Variants in NRG1 observed in about 807,000 individuals in gnomAD.
The protein encoded by NRG1 is neuregulin 1.
A neutral mutation model predicts 63.8 loss-of-function variants in NRG1; 18 were observed. That is an observed-to-expected ratio of 0.28 (90% CI 0.19 to 0.42). The LOEUF (loss-of-function observed/expected upper bound fraction) is 0.42, where lower values mean the gene tolerates loss of function less well. Among genes scored for constraint, NRG1 ranks in the 10% least tolerant of loss-of-function variants. The pLI, the probability that NRG1 is intolerant of heterozygous loss-of-function variation, is 1.00. For synonymous variants in NRG1, 302 were observed against 301.3 expected (o/e 1.00, Z -0.02); for missense variants, 762 against 814.7 (o/e 0.94, Z 0.79).
chr8:32,441,023 T>C (rs1819463248), intron 1 of NRG1, among the ~76,000 whole-genome samples: 1 of 148,440 alleles, frequency 6.7e-6, no homozygotes, highest in Non-Finnish European at 1.5e-5. Context: ...TTAATTACAG[T>C]TAAATTCAGG....
Position 32,003,561 on chromosome 8 carries a change from T to G in NRG1, c.37+364130T>G, listed in dbSNP as rs375483813. Among the ~76,000 whole-genome samples the G allele has an allele frequency of 9.6e-4, 146 of 152,122 alleles. 1 individual carries two copies. Among genetic ancestry groups the G allele is most frequent in the South Asian group, 4.8e-3 (23 of 4,828 alleles). ...GAAAAAGTGAAATAAAGAGAAGACA[T>G]TGTAATGTTAATGTCCATAAAATAG... On this transcript the variant is annotated intron_variant, in intron 1 of 10. Transcript: ENST00000519301.
intron 1 of NRG1, among the ~76,000 whole-genome samples, chr8:32,383,902 C>T (rs2347509): frequency 0.91 from 137,959 of 152,252 alleles, 63,223 homozygotes; most frequent in Non-Finnish European, 0.95. Flanking sequence ...CTTACTTTGT[C>T]TTAGCCCACA....
chr8:31,813,487 A>C (rs1823086796), intron 1 of NRG1, among the ~76,000 whole-genome samples: 1 of 92,200 alleles, frequency 1.1e-5, no homozygotes, highest in South Asian at 4.4e-4. Flanking sequence ...ACTTTGCTAC[A>C]GGAATTTTCT....
chr8:32,279,865 G>C lies in NRG1; in HGVS notation c.38-315963G>C, dbSNP rs1322714496. ...CTGATGTGTAGGGTAACACAATTAA[G>C]GAACTCTCCACTGGAAGGCCAAGTC... On this transcript the variant is annotated intron_variant, in intron 1 of 10. Transcript: ENST00000519301. Among the ~76,000 whole-genome samples, 6 of 152,144 alleles carry C rather than the reference G, an allele frequency of 3.9e-5. No individual in the cohort carries two copies. In the East Asian group the frequency reaches 9.7e-4, roughly 24 times the overall value.
At chr8:32,198,344 A>AT (rs1195741662) in intron 1 of NRG1, among the ~76,000 whole-genome samples, 1 of 151,892 alleles carries the variant, frequency 6.6e-6, no homozygotes, top group Non-Finnish European at 1.5e-5. Flanking sequence ...CATCGGGCTA[A>AT]TTTTTGTATT....
chr8:32,331,189 T>C (rs1802604020), intron 1 of NRG1, among the ~76,000 whole-genome samples: 1 of 152,092 alleles, frequency 6.6e-6, no homozygotes, highest in African/African-American at 2.4e-5. Flanking sequence ...GTTTTCATTT[T>C]CTTCAACAGA....
At chr8:32,606,743 T>C (rs1253318940) in intron 3 of NRG1, among the ~76,000 whole-genome samples, 3 of 152,170 alleles carry the variant, frequency 2.0e-5, no homozygotes, top group Admixed American at 1.3e-4. Flanking sequence ...CCTAATTGCA[T>C]CTTCTTGGTA....
chr8:32,473,133 A>G lies in NRG1; in HGVS notation c.38-122695A>G, dbSNP rs77774374. On this transcript the variant is annotated intron_variant, in intron 1 of 10. Transcript: ENST00000519301. ...TTTGCAAAATCGTTTTGTTAAAGGGATTAGAGGTAACATATCTACATATGT... is the reference window on the plus strand; with the variant it reads ...TTTGCAAAATCGTTTTGTTAAAGGGGTTAGAGGTAACATATCTACATATGT... Among the ~76,000 whole-genome samples, 26 of 152,338 alleles carry G rather than the reference A, an allele frequency of 1.7e-4. No homozygotes were observed. In the East Asian group the frequency reaches 2.9e-3, roughly 17 times the overall value.
At chr8:31,804,358 A>C (rs1822072139) in intron 1 of NRG1, among the ~76,000 whole-genome samples, 1 of 152,082 alleles carries the variant, frequency 6.6e-6, no homozygotes. Context: ...CATCCTCTGA[A>C]GTTGTTACTC....
chr8:31,900,617 G>A (rs1831995203), intron 1 of NRG1, among the ~76,000 whole-genome samples: 2 of 152,110 alleles, frequency 1.3e-5, no homozygotes, highest in African/African-American at 4.8e-5. Context: ...CAAGTTAGAA[G>A]TTGCCAAAAT....
chr8:32,115,052 A>G (rs1832531750), intron 1 of NRG1, among the ~76,000 whole-genome samples: 1 of 151,322 alleles, frequency 6.6e-6, no homozygotes, highest in Non-Finnish European at 1.5e-5. Context: ...TTTTTTTCAG[A>G]TGGAGTCTTG....
intron 1 of NRG1, among the ~76,000 whole-genome samples, chr8:32,474,370 GC>G (rs533814720): frequency 5.3e-5 from 8 of 152,104 alleles, no homozygotes; most frequent in Non-Finnish European, 1.2e-4. Context: ...TAGTCTCACA[GC>G]ACACTCTCTC....
chr8:32,591,626 G>A (rs902688541), intron 1 of NRG1, among the ~76,000 whole-genome samples: 2 of 151,912 alleles, frequency 1.3e-5, no homozygotes, highest in Non-Finnish European at 2.9e-5. Context: ...GTGCAATACC[G>A]CTTGCAGAAT....
chr8:31,721,005 C>T (rs773211485), intron 1 of NRG1, among the ~76,000 whole-genome samples: 13 of 152,088 alleles, frequency 8.5e-5, no homozygotes, highest in Non-Finnish European at 1.9e-4. Context: ...GTTTTCTCTG[C>T]TCCACCAAAT....
intron 5 of NRG1, among the ~76,000 whole-genome samples, chr8:32,717,977 A>G (rs972305352): frequency 5.9e-5 from 9 of 152,332 alleles, no homozygotes; most frequent in Admixed American, 2.0e-4. Context: ...AGATGCTTCT[A>G]TAACTCATAG....
At chr8:31,649,221 C>G (rs1484117309) in intron 1 of NRG1, among the ~76,000 whole-genome samples, 1 of 152,190 alleles carries the variant, frequency 6.6e-6, no homozygotes, top group African/African-American at 2.4e-5. Context: ...TCCCAAAATG[C>G]TGGATTACAG....
intron 1 of NRG1, among the ~76,000 whole-genome samples, chr8:32,508,140 A>G (rs1308889906): frequency 6.6e-6 from 1 of 152,242 alleles, no homozygotes; most frequent in Non-Finnish European, 1.5e-5. Flanking sequence ...ATGTGGTGGC[A>G]CATGCCTATA....
intron 5 of NRG1, among the ~76,000 whole-genome samples, chr8:32,704,833 T>C (rs1563988758): frequency 6.6e-6 from 1 of 152,182 alleles, no homozygotes; most frequent in Non-Finnish European, 1.5e-5. Context: ...TCCTGGTGCA[T>C]TCATCTGCTG....
rs371526317 is a variant in NRG1 at position 32,234,750 on chromosome 8, G to A, written c.38-361078G>A. On this transcript the variant is annotated intron_variant, in intron 1 of 10. Transcript: ENST00000519301. The stretch of plus-strand genomic sequence containing the variant: ...AGTTGTGAAATAAACAGGTTGGAGA[G>A]TGAGGAAATGTGGTTTTTGTTCCCA... Among the ~76,000 whole-genome samples, 19 of 152,176 alleles carry A rather than the reference G, an allele frequency of 1.2e-4. No individual in the cohort carries two copies. The East Asian group carries it at 1.5e-3, about 12-fold the overall frequency.
Sources: allele counts gnomAD v4.1 joint callset (sites outside exome capture counted in the v4.1 genomes callset), GRCh38; gene constraint gnomAD v4.1.1; transcripts MANE v1.5; gene names NCBI Gene and HGNC (gene_info 2026-07-23, HGNC 2026-07-21).